Variants in AGBL1 observed in about 807,000 individuals in gnomAD.
AGBL1 encodes the protein AGBL carboxypeptidase 1.
Under a neutral mutation model 118.9 loss-of-function variants are expected in AGBL1, and 130 were observed. That is an observed-to-expected ratio of 1.09 (90% CI 0.95 to 1.26). The LOEUF is 1.26. Ranked by LOEUF, AGBL1 falls within the 50% of genes most tolerant of loss-of-function variation. AGBL1 has a pLI of 0.00. For synonymous variants in AGBL1, 555 were observed against 478.9 expected (o/e 1.16, Z -2.08); for missense variants, 1,584 against 1,298.1 (o/e 1.22, Z -3.38).
At chr15:86,716,406 T>C (rs2086639311) in intron 22 of AGBL1, among the ~76,000 whole-genome samples, 1 of 152,088 alleles carries the variant, frequency 6.6e-6, no homozygotes. Flanking sequence ...TCTCCCAGGA[T>C]CAGGTAGGGT....
chr15:86,678,880 G>A (rs897101920), intron 22 of AGBL1, among the ~76,000 whole-genome samples: 6 of 151,734 alleles, frequency 4.0e-5, no homozygotes, highest in Admixed American at 2.0e-4. Context: ...TAGTAATGCC[G>A]GTTTATTATA....
At chr15:86,890,770 C>T (rs1009263052) in intron 22 of AGBL1, among the ~76,000 whole-genome samples, 1 of 152,134 alleles carries the variant, frequency 6.6e-6, no homozygotes, top group East Asian at 1.9e-4. Flanking sequence ...GTACCAGTAC[C>T]ATGCTGTTGT....
chr15:86,283,448 G>C (rs946763012), intron 16 of AGBL1, among the ~76,000 whole-genome samples: 1 of 144,458 alleles, frequency 6.9e-6, no homozygotes, highest in African/African-American at 2.5e-5. Context: ...TGAAAGATGT[G>C]AATACTGTTA....
intron 23 of AGBL1, among the ~76,000 whole-genome samples, chr15:86,961,846 G>A (rs2080996450): frequency 1.3e-5 from 2 of 151,990 alleles, no homozygotes; most frequent in South Asian, 4.1e-4. Context: ...CCTCTCAGGT[G>A]CATTTACCAT....
intron 6 of AGBL1, among the ~76,000 whole-genome samples, chr15:86,228,686 C>A (rs2078406325): frequency 6.6e-6 from 1 of 152,192 alleles, no homozygotes; most frequent in African/African-American, 2.4e-5. Context: ...ACCTGCATTG[C>A]ATTTGGAAGA....
At chr15:86,595,755 G>C (rs1422521182) in intron 21 of AGBL1, among the ~76,000 whole-genome samples, 2 of 152,118 alleles carry the variant, frequency 1.3e-5, no homozygotes, top group African/African-American at 4.8e-5. Context: ...ATAGATATGA[G>C]TTTTTTACTC....
At chr15:86,194,236 T>G (rs1209168257) in intron 5 of AGBL1, among the ~76,000 whole-genome samples, 2 of 152,230 alleles carry the variant, frequency 1.3e-5, no homozygotes, top group Non-Finnish European at 2.9e-5. Context: ...CAAAAACCTC[T>G]CTCCTCGTAT....
chr15:86,174,305 G>C (rs2077453494), intron 5 of AGBL1, among the ~76,000 whole-genome samples: 1 of 152,028 alleles, frequency 6.6e-6, no homozygotes, highest in Non-Finnish European at 1.5e-5. Flanking sequence ...TGTATCCTGA[G>C]ACTTTACTGA....
chr15:86,723,159 T>C (rs1265121711), intron 22 of AGBL1, among the ~76,000 whole-genome samples: 3 of 152,244 alleles, frequency 2.0e-5, no homozygotes, highest in Non-Finnish European at 2.9e-5. Flanking sequence ...ACTGAGTGTA[T>C]GTCCAAAGGA....
chr15:86,866,422 A>G (rs2141491748), intron 22 of AGBL1, among the ~76,000 whole-genome samples: 1 of 152,364 alleles, frequency 6.6e-6, no homozygotes, highest in Non-Finnish European at 1.5e-5. Flanking sequence ...TTTCTGTGAC[A>G]AAACCAGGTT....
At chr15:86,576,275 A>C (rs1184591449) in intron 21 of AGBL1, among the ~76,000 whole-genome samples, 1 of 152,206 alleles carries the variant, frequency 6.6e-6, no homozygotes, top group Non-Finnish European at 1.5e-5. Flanking sequence ...CATCAGACAA[A>C]TTAAATTTAG....
chr15:86,407,149 T>C (rs1272960949), intron 18 of AGBL1, among the ~76,000 whole-genome samples: 1 of 152,190 alleles, frequency 6.6e-6, no homozygotes, highest in African/African-American at 2.4e-5. Context: ...ATAAACATGA[T>C]TTTATTTTCA....
intron 1 of AGBL1, among the ~76,000 whole-genome samples, chr15:86,112,867 G>A (rs994233370): frequency 2.6e-5 from 4 of 151,982 alleles, no homozygotes; most frequent in African/African-American, 9.7e-5. Context: ...TTTAAAATAA[G>A]CCTATTAGCT....
At chr15:86,286,535 A>G (rs1381822981) in intron 16 of AGBL1, among the ~76,000 whole-genome samples, 5 of 151,668 alleles carry the variant, frequency 3.3e-5, no homozygotes, top group Admixed American at 6.6e-5. Context: ...TGACTTTTTT[A>G]TATTTCATGT....
intron 17 of AGBL1, among the ~76,000 whole-genome samples, chr15:86,320,480 TTTAAAA>T (rs2080087999): frequency 6.6e-6 from 1 of 152,134 alleles, no homozygotes. Context: ...ATGATATACT[TTTAAAA>T]TTTAAATAAT....
chr15:86,769,628 G>C (rs1379859629), intron 22 of AGBL1, among the ~76,000 whole-genome samples: 1 of 152,012 alleles, frequency 6.6e-6, no homozygotes, highest in Non-Finnish European at 1.5e-5. Context: ...CAAGGTATCT[G>C]AGTCCAAGGA....
intron 6 of AGBL1, among the ~76,000 whole-genome samples, chr15:86,228,009 A>G (rs1202656036): frequency 3.3e-5 from 5 of 152,186 alleles, no homozygotes; most frequent in Non-Finnish European, 5.9e-5. Flanking sequence ...AGAAGTAATA[A>G]CAGCATGCTA....
At chr15:86,273,872 A>T (rs1423313177) in intron 15 of AGBL1, among the ~76,000 whole-genome samples, 1 of 152,204 alleles carries the variant, frequency 6.6e-6, no homozygotes, top group African/African-American at 2.4e-5. Flanking sequence ...CTCAGAAGAA[A>T]TGGGATTTGC....
chr15:86,743,278 A>T lies in AGBL1; in HGVS notation c.3158+68842A>T, dbSNP rs76394382. On this transcript the variant is annotated intron_variant, in intron 22 of 22. Coordinates refer to ENST00000614907, the MANE Select transcript of AGBL1 (RefSeq NM_001386094.1). Reference sequence around the variant, plus strand: ...TTATTTTTGACCCAACATTTGTTATAATGGAAGGAAGGAAGAATATCTCTC... The same window carrying T: ...TTATTTTTGACCCAACATTTGTTATTATGGAAGGAAGGAAGAATATCTCTC... Among the ~76,000 whole-genome samples the T allele has an allele frequency of 1.8e-3, 269 of 152,270 alleles. 3 individuals are homozygous for T. In the East Asian group the frequency reaches 0.023, roughly 13 times the overall value.
Sources: gnomAD v4.1 joint callset for allele counts (sites outside exome capture counted in the v4.1 genomes callset) on GRCh38, gnomAD v4.1.1 for gene constraint, MANE v1.5 for transcripts, NCBI Gene and HGNC (gene_info 2026-07-23, HGNC 2026-07-21) for gene names.